Variants in FAF1 observed in about 807,000 individuals in gnomAD.
FAF1 encodes Fas associated factor 1, also known as FAS-associated factor 1.
FAF1 carries 25 observed loss-of-function variants against 92.5 expected under a neutral mutation model. That is an observed-to-expected ratio of 0.27 (90% CI 0.20 to 0.38). The LOEUF is 0.38. FAF1 is among the 10% of genes least tolerant of loss of function. The pLI is 1.00. For missense variants in FAF1, 636 were observed against 793.3 expected (o/e 0.80, Z 2.38); for synonymous variants, 234 against 273.2 (o/e 0.86, Z 1.42).
chr1:50,785,931 C>G (rs1482340323), intron 4 of FAF1, among the ~76,000 whole-genome samples: 1 of 151,736 alleles, frequency 6.6e-6, no homozygotes, highest in East Asian at 1.9e-4. Flanking sequence ...AGTTCAAGAC[C>G]AGCCTGGGAA....
intron 18 of FAF1, among the ~76,000 whole-genome samples, chr1:50,459,722 T>C (rs1646402021): frequency 6.6e-6 from 1 of 152,202 alleles, no homozygotes; most frequent in Non-Finnish European, 1.5e-5. Context: ...TGGTCTCCCT[T>C]TTCCAGGCTT....
At chr1:50,909,220 G>T (rs1644864178) in intron 1 of FAF1, among the ~76,000 whole-genome samples, 1 of 152,130 alleles carries the variant, frequency 6.6e-6, no homozygotes, top group Non-Finnish European at 1.5e-5. Context: ...TCTTCTGGCT[G>T]GTAGAGTTTC....
intron 15 of FAF1, among the ~76,000 whole-genome samples, chr1:50,497,311 A>G (rs1179199084): frequency 6.6e-6 from 1 of 152,142 alleles, no homozygotes; most frequent in Non-Finnish European, 1.5e-5. Flanking sequence ...CCAGAATTCT[A>G]TACCCAGTGA....
At chr1:50,779,932 G>T (rs79214373) in intron 4 of FAF1, among the ~76,000 whole-genome samples, 14 of 143,002 alleles carry the variant, frequency 9.8e-5, no homozygotes, top group African/African-American at 3.6e-4. Context: ...AAAAGAAAAA[G>T]AAAAAGAAAA....
intron 6 of FAF1, among the ~76,000 whole-genome samples, chr1:50,716,028 T>C (rs1225134945): frequency 1.3e-5 from 2 of 152,164 alleles, no homozygotes; most frequent in Non-Finnish European, 2.9e-5. Flanking sequence ...ATTCAGAGAG[T>C]ACTTCTGCAA....
At chr1:50,921,813 T>C (rs1466512580) in intron 1 of FAF1, among the ~76,000 whole-genome samples, 2 of 151,834 alleles carry the variant, frequency 1.3e-5, no homozygotes, top group Admixed American at 1.3e-4. Flanking sequence ...TAAAATTCAT[T>C]GGTAGAGAGC....
intron 6 of FAF1, among the ~76,000 whole-genome samples, chr1:50,737,585 T>G (rs752352627): frequency 1.3e-5 from 2 of 152,228 alleles, no homozygotes; most frequent in Non-Finnish European, 2.9e-5. Flanking sequence ...TTTGTAACTG[T>G]GTGCAAATTC....
At chr1:50,517,461 T>A (rs964548112) in intron 15 of FAF1, among the ~76,000 whole-genome samples, 2 of 152,150 alleles carry the variant, frequency 1.3e-5, no homozygotes, top group Non-Finnish European at 2.9e-5. Flanking sequence ...TAGATACTTT[T>A]ATTTACATAG....
intron 15 of FAF1, among the ~76,000 whole-genome samples, chr1:50,524,023 C>T (rs1472756243): frequency 6.6e-6 from 1 of 151,886 alleles, no homozygotes; most frequent in Non-Finnish European, 1.5e-5. Flanking sequence ...TGTGTAAGCG[C>T]TCTCTTTTCT....
At chr1:50,559,459 G>A (rs776822069) in intron 13 of FAF1, among the ~76,000 whole-genome samples, 1 of 152,110 alleles carries the variant, frequency 6.6e-6, no homozygotes, top group Non-Finnish European at 1.5e-5. Flanking sequence ...ATGACTTGCT[G>A]ACAAAGAGAT....
intron 1 of FAF1, among the ~76,000 whole-genome samples, chr1:50,881,844 GA>G (rs1243633980): frequency 6.6e-6 from 1 of 152,080 alleles, no homozygotes; most frequent in African/African-American, 2.4e-5. Context: ...AATAGCTGCA[GA>G]AAAAGTGCAT....
At chr1:50,452,232 G>T (rs369788654) in intron 18 of FAF1, 1 of 1,126,454 alleles carries the variant, frequency 8.9e-7, no homozygotes, top group Non-Finnish European at 1.2e-6. Context: ...AGAAAGTCCC[G>T]CTTTACAGAA....
At chr1:50,653,423 T>C (rs1451639737) in intron 8 of FAF1, among the ~76,000 whole-genome samples, 1 of 152,188 alleles carries the variant, frequency 6.6e-6, no homozygotes, top group Non-Finnish European at 1.5e-5. Flanking sequence ...CAATCTTGGC[T>C]CACTGCAACC....
At chr1:50,724,266 T>TATATAC (rs1658534060) in intron 6 of FAF1, among the ~76,000 whole-genome samples, 3 of 129,798 alleles carry the variant, frequency 2.3e-5, no homozygotes. Flanking sequence ...CAACCATATA[T>TATATAC]ATATACATAT....
At chr1:50,946,259 T>A (rs1191960405) in intron 1 of FAF1, among the ~76,000 whole-genome samples, 3 of 152,214 alleles carry the variant, frequency 2.0e-5, no homozygotes, top group Admixed American at 2.0e-4. Context: ...CAAATCTCCC[T>A]AAGTTGTTAC....
chr1:50,729,929 G>A (rs1423595661), intron 6 of FAF1, among the ~76,000 whole-genome samples: 4 of 152,084 alleles, frequency 2.6e-5, no homozygotes, highest in Admixed American at 6.5e-5. Flanking sequence ...GCTGACGCAG[G>A]AGAGTTGCTT....
chr1:50,868,566 T>C, intron 1 of FAF1, among the ~76,000 whole-genome samples: 1 of 152,202 alleles, frequency 6.6e-6, no homozygotes, highest in East Asian at 1.9e-4. Flanking sequence ...CTCTAGGCAC[T>C]GCTGTAGCTA....
chr1:50,602,234 AAT>A (rs1284675109), intron 8 of FAF1, among the ~76,000 whole-genome samples: 1 of 152,216 alleles, frequency 6.6e-6, no homozygotes, highest in African/African-American at 2.4e-5. Flanking sequence ...AAGAACAATT[AAT>A]ATGAGACATT....
At chr1:50,589,422 T>C (rs934150110) in intron 9 of FAF1, among the ~76,000 whole-genome samples, 1 of 152,008 alleles carries the variant, frequency 6.6e-6, no homozygotes, top group Non-Finnish European at 1.5e-5. Flanking sequence ...GAGTGGTAGG[T>C]CACACACCCA....
Sources: allele counts gnomAD v4.1 joint callset (sites outside exome capture counted in the v4.1 genomes callset), GRCh38; gene constraint gnomAD v4.1.1; transcripts MANE v1.5; gene names NCBI Gene and HGNC (gene_info 2026-07-23, HGNC 2026-07-21).